NECAB2: variants seen among roughly 807,000 people sequenced by gnomAD.
The protein encoded by NECAB2 is N-terminal EF-hand calcium-binding protein 2.
Under a neutral mutation model 51.9 loss-of-function variants are expected in NECAB2, and 68 were observed. That is an observed-to-expected ratio of 1.31 (90% CI 1.08 to 1.60). The LOEUF (loss-of-function observed/expected upper bound fraction) is 1.60, where lower values mean the gene tolerates loss of function less well. NECAB2 is among the 40% of genes most tolerant of loss of function. The pLI is 0.00. For missense variants in NECAB2, 854 were observed against 490.3 expected, an observed-to-expected ratio of 1.74 and a Z score of -7.00; for synonymous variants, 329 against 203.5, an observed-to-expected ratio of 1.62 and a Z score of -5.25.
At chr16:83,989,165 C>G (rs1265512645) in intron 5 of NECAB2, among the ~76,000 whole-genome samples, 3 of 152,124 alleles carry the variant, frequency 2.0e-5, no homozygotes, top group Non-Finnish European at 4.4e-5. Flanking sequence ...CCGTTTTTGG[C>G]CATTCGCGTG....
chr16:83,984,882 C>T (rs188261972), intron 5 of NECAB2, among the ~76,000 whole-genome samples: 5 of 152,260 alleles, frequency 3.3e-5, no homozygotes, highest in Admixed American at 2.6e-4. Flanking sequence ...AATTTCATGA[C>T]ATGTTTTCTT....
intron 11 of NECAB2, 49 bp from the exon 12 acceptor site, chr16:84,001,776 G>A (rs371522451): frequency 1.7e-4 from 268 of 1,597,118 alleles, no homozygotes; most frequent in South Asian, 1.4e-3. Context: ...AGCCACACGC[G>A]GAGCTCCACT....
chr16:83,989,436 A>G (rs1343182066), intron 5 of NECAB2, among the ~76,000 whole-genome samples: 1 of 152,048 alleles, frequency 6.6e-6, no homozygotes, highest in Non-Finnish European at 1.5e-5. Flanking sequence ...CCATTGTGCA[A>G]TTATTGCTAA....
At chr16:84,001,624 G>A (rs543983623) in intron 11 of NECAB2, among the ~76,000 whole-genome samples, 2 of 152,008 alleles carry the variant, frequency 1.3e-5, no homozygotes, top group East Asian at 3.9e-4. Context: ...TAGCTCACAG[G>A]GAAAAAGAGA....
upstream of NECAB2, among the ~76,000 whole-genome samples, chr16:83,967,486 T>G (rs1030053147): frequency 0.045 from 113 of 2,522 alleles, no homozygotes; most frequent in Non-Finnish European, 0.049. Flanking sequence ...GGGAGGGGGG[T>G]GGGTGGGTGG....
rs1294474086 is a variant in NECAB2, at chr16:83,998,307, A to T, written c.952A>T (p.Asn318Tyr). The T allele has an allele frequency of 1.9e-6, 3 of 1,613,390 alleles. No homozygotes were observed. The highest frequency in any genetic ancestry group is 2.5e-6 in the Non-Finnish European group (3 of 1,179,932). The change falls in exon 10 of 13, where the codon AAC (asparagine) becomes TAC (tyrosine). Residue 318 changes from asparagine to tyrosine, a missense_variant. Coordinates refer to ENST00000305202, the MANE Select transcript of NECAB2 (RefSeq NM_019065.3). The part of the protein sequence containing the change: ...QYLRGTTGVR[N>Y]CFHITAVRLS... ...TCTGCGGGGGACCACTGGCGTGAGG[A>T]ACTGCTTCCAGTGAGTGAGCTGCCG...
At chr16:84,001,604 T>C (rs1405518722) in intron 11 of NECAB2, among the ~76,000 whole-genome samples, 2 of 152,088 alleles carry the variant, frequency 1.3e-5, no homozygotes, top group African/African-American at 4.8e-5. Context: ...GGGATCCCGC[T>C]GCCCATTTAT....
At chr16:83,999,816 G>A (rs2084785441) in intron 10 of NECAB2, among the ~76,000 whole-genome samples, 1 of 152,100 alleles carries the variant, frequency 6.6e-6, no homozygotes, top group Non-Finnish European at 1.5e-5. Flanking sequence ...GGTGTTGCAA[G>A]GATTAAATGA....
At chr16:83,982,526 G>A (rs527374843) in intron 5 of NECAB2, among the ~76,000 whole-genome samples, 15 of 152,256 alleles carry the variant, frequency 9.9e-5, no homozygotes, top group Admixed American at 9.8e-4. Context: ...AACAGGCTGT[G>A]TGAGGTCACC....
At position 83,994,088 on chromosome 16, in the gene NECAB2, A is replaced by G. The variant is rs560005021; in HGVS notation, c.597-214A>G. Among the ~76,000 whole-genome samples the G allele has an allele frequency of 3.9e-5, 6 of 152,268 alleles. No individual in the cohort carries two copies. The East Asian group carries it at 1.2e-3, about 29-fold the overall frequency. ...GGTCCTAGAATGGAGCTGAATTCGA[A>G]TCCCAGCTCTGCCCAGCTAGCTGCG... On this transcript the variant is annotated intron_variant, in intron 6 of 12. Coordinates refer to ENST00000305202, the MANE Select transcript of NECAB2 (RefSeq NM_019065.3).
chr16:83,980,731 A>T (rs966149705), intron 3 of NECAB2, 108 bp from the exon 4 acceptor site: 38 of 1,427,548 alleles, frequency 2.7e-5, no homozygotes, highest in Non-Finnish European at 3.5e-5. Context: ...GGGCCAGCAC[A>T]CAGGCTGCAA....
At chr16:83,973,625 C>T (rs1028723922) in intron 2 of NECAB2, among the ~76,000 whole-genome samples, 2 of 152,088 alleles carry the variant, frequency 1.3e-5, no homozygotes, top group African/African-American at 4.8e-5. Flanking sequence ...GAGATGGGGT[C>T]GCCGGAGCCC....
rs2084858298 is a variant in NECAB2 at position 84,002,482 on chromosome 16, G to C, written c.*136G>C. 1.6e-6 allele frequency: 2 copies of C among 1,229,380 alleles called. No homozygotes were observed. The highest frequency in any genetic ancestry group is 2.4e-5 in the East Asian group (1 of 42,104). 76.2% of individuals were successfully genotyped at this position (1,229,380 alleles called of 1,614,324 possible). On this transcript the variant is annotated 3_prime_UTR_variant, in exon 13 of 13. Coordinates refer to ENST00000305202, the MANE Select transcript of NECAB2 (RefSeq NM_019065.3). ...CTCCACAAGAAGGTGTTTCCCTGTTGTTAAGTGAAGGAGGCCGCCCCTGCC... is the reference window on the plus strand; with the variant it reads ...CTCCACAAGAAGGTGTTTCCCTGTTCTTAAGTGAAGGAGGCCGCCCCTGCC...
upstream of NECAB2, among the ~76,000 whole-genome samples, chr16:83,967,042 T>C (rs1377667603): frequency 6.6e-6 from 1 of 152,194 alleles, no homozygotes; most frequent in East Asian, 1.9e-4. Context: ...CAGCTAGTTA[T>C]TGTATTTTTA....
At chr16:83,983,361 G>A (rs2084512820) in intron 5 of NECAB2, among the ~76,000 whole-genome samples, 1 of 152,152 alleles carries the variant, frequency 6.6e-6, no homozygotes, top group African/African-American at 2.4e-5. Flanking sequence ...TTTCTCTCAT[G>A]TTCTAAAACG....
At chr16:83,980,766 C>A (rs1241003875) in intron 3 of NECAB2, 73 bp from the exon 4 acceptor site, 22 of 1,520,344 alleles carry the variant, frequency 1.4e-5, no homozygotes, top group Admixed American at 3.9e-5. Flanking sequence ...GTGTGTTTCG[C>A]AGGCTGTGCA....
intron 5 of NECAB2, among the ~76,000 whole-genome samples, chr16:83,984,144 C>T (rs113579469): frequency 2.0e-5 from 3 of 151,810 alleles, no homozygotes; most frequent in Non-Finnish European, 2.9e-5. Flanking sequence ...TACAGGCGCC[C>T]GCTACTACGC....
At chr16:83,989,418 C>T (rs769235185) in intron 5 of NECAB2, among the ~76,000 whole-genome samples, 11 of 152,184 alleles carry the variant, frequency 7.2e-5, no homozygotes, top group African/African-American at 9.7e-5. Flanking sequence ...GTCTGTCAGC[C>T]GTGTTTCCCA....
intron 8 of NECAB2, among the ~76,000 whole-genome samples, chr16:83,996,961 C>T (rs1160554583): frequency 1.3e-5 from 2 of 151,174 alleles, no homozygotes; most frequent in Admixed American, 6.6e-5. Flanking sequence ...AGTGGCAAAC[C>T]CCAGCATCTT....
Sources: allele counts gnomAD v4.1 joint callset (sites outside exome capture counted in the v4.1 genomes callset), GRCh38; gene constraint gnomAD v4.1.1; transcripts MANE v1.5; gene names NCBI Gene and HGNC (gene_info 2026-07-23, HGNC 2026-07-21).